The following CSMD1 variants were observed in gnomAD, a reference collection of about 807,000 sequenced individuals.
The protein encoded by CSMD1 is CUB and Sushi multiple domains 1, also known as CUB and sushi domain-containing protein 1.
CSMD1 carries 213 observed loss-of-function variants against 417.5 expected under a neutral mutation model. The observed-to-expected ratio is 0.51, with a 90% CI of 0.46 to 0.57. CSMD1 has a LOEUF of 0.57. CSMD1 is among the 20% of genes least tolerant of loss of function. The pLI is 0.00. For synonymous variants in CSMD1, 2,862 were observed against 1,736.8 expected (o/e 1.65, Z -16.11); for missense variants, 6,923 against 4,529.7 (o/e 1.53, Z -15.17).
chr8:3,952,705 C>T (rs568218240), intron 5 of CSMD1, among the ~76,000 whole-genome samples: 1 of 152,146 alleles, frequency 6.6e-6, no homozygotes, highest in Non-Finnish European at 1.5e-5. Flanking sequence ...TGTGAATACA[C>T]TAGATGTCAC....
At chr8:4,022,082 T>C (rs1336305860) in intron 4 of CSMD1, among the ~76,000 whole-genome samples, 2 of 122,226 alleles carry the variant, frequency 1.6e-5, no homozygotes, top group Non-Finnish European at 3.6e-5. Flanking sequence ...TGGGAGCATG[T>C]ATCCACACAC....
chr8:4,717,395 A>G (rs1808737149), intron 1 of CSMD1, among the ~76,000 whole-genome samples: 1 of 96,406 alleles, frequency 1.0e-5, no homozygotes, highest in Non-Finnish European at 2.0e-5. Flanking sequence ...ATATACATAC[A>G]TATATACATA....
chr8:4,124,411 T>G (rs1031919031), intron 3 of CSMD1, among the ~76,000 whole-genome samples: 2 of 200 alleles, frequency 0.01, no homozygotes, highest in Non-Finnish European at 0.033. Context: ...TGTATTTAAT[T>G]TTTTTCCCTT....
At chr8:3,992,295 C>G (rs1311330891) in intron 5 of CSMD1, among the ~76,000 whole-genome samples, 8 of 152,068 alleles carry the variant, frequency 5.3e-5, no homozygotes, top group African/African-American at 1.9e-4. Flanking sequence ...CTTTTGCCTA[C>G]CTGGAGTACG....
At chr8:4,243,657 G>A (rs925120169) in intron 3 of CSMD1, among the ~76,000 whole-genome samples, 1 of 151,980 alleles carries the variant, frequency 6.6e-6, no homozygotes, top group Non-Finnish European at 1.5e-5. Flanking sequence ...TAAAACACAT[G>A]TGTGATATTG....
At chr8:4,204,679 C>G (rs185167729) in intron 3 of CSMD1, among the ~76,000 whole-genome samples, 338 of 152,196 alleles carry the variant, frequency 2.2e-3, no homozygotes, top group Non-Finnish European at 3.9e-3. Context: ...TTTTGAGACA[C>G]AGTTTCACTC....
Position 4,464,162 on chromosome 8 carries a change from C to A in CSMD1, c.303-44097G>T, listed in dbSNP as rs570495443. On this transcript the variant is annotated intron_variant, in intron 2 of 69. Transcript: ENST00000635120. ...TATCCCTCCAGCTGGAATTCTACTTCCTCTCTACTTCACTTACAGGACTCT... is the reference window on the plus strand; with the variant it reads ...TATCCCTCCAGCTGGAATTCTACTTACTCTCTACTTCACTTACAGGACTCT... Among the ~76,000 whole-genome samples the A allele has an allele frequency of 2.0e-5, 3 of 152,248 alleles. No homozygotes were observed. In the South Asian group the frequency reaches 6.2e-4, roughly 32 times the overall value.
At chr8:3,723,524 T>C (rs1324496567) in intron 6 of CSMD1, among the ~76,000 whole-genome samples, 1 of 152,206 alleles carries the variant, frequency 6.6e-6, no homozygotes, top group Non-Finnish European at 1.5e-5. Flanking sequence ...CATTTAGTCA[T>C]ATTTACTTAA....
chr8:4,346,341 C>G (rs1800776835), intron 3 of CSMD1, among the ~76,000 whole-genome samples: 1 of 152,114 alleles, frequency 6.6e-6, no homozygotes, highest in Non-Finnish European at 1.5e-5. Flanking sequence ...GGAAAGCAGC[C>G]ATGCCCATCT....
At chr8:4,559,513 G>C (rs1181718549) in intron 2 of CSMD1, among the ~76,000 whole-genome samples, 1 of 152,164 alleles carries the variant, frequency 6.6e-6, no homozygotes, top group African/African-American at 2.4e-5. Context: ...TGAGAGACGA[G>C]GGTTCATATT....
chr8:4,491,742 G>A (rs956077037), intron 2 of CSMD1, among the ~76,000 whole-genome samples: 3 of 152,120 alleles, frequency 2.0e-5, no homozygotes, highest in Admixed American at 2.0e-4. Flanking sequence ...GAGGTTGTGG[G>A]GCAACAGGAA....
chr8:3,624,605 A>G (rs1796405656), intron 7 of CSMD1, among the ~76,000 whole-genome samples: 3 of 152,176 alleles, frequency 2.0e-5, no homozygotes, highest in African/African-American at 4.8e-5. Context: ...GTATGTTTTT[A>G]TCTGCATAAC....
chr8:4,361,192 T>G (rs1213553654), intron 3 of CSMD1, among the ~76,000 whole-genome samples: 1 of 152,138 alleles, frequency 6.6e-6, no homozygotes, highest in Non-Finnish European at 1.5e-5. Flanking sequence ...CTGTGAGGCT[T>G]AAATTAGACA....
At chr8:3,066,039 C>A (rs1330050250) in intron 49 of CSMD1, among the ~76,000 whole-genome samples, 4 of 152,268 alleles carry the variant, frequency 2.6e-5, no homozygotes, top group African/African-American at 9.6e-5. Flanking sequence ...GGCCAACTTT[C>A]CAACCATATT....
At chr8:3,271,425 T>G (rs927925979) in intron 26 of CSMD1, among the ~76,000 whole-genome samples, 12 of 151,660 alleles carry the variant, frequency 7.9e-5, no homozygotes, top group Non-Finnish European at 1.2e-4. Context: ...ATGATTTATA[T>G]TCCTTTGGGT....
intron 1 of CSMD1, among the ~76,000 whole-genome samples, chr8:4,777,021 A>G (rs373726991): frequency 1.6e-4 from 25 of 152,210 alleles, no homozygotes; most frequent in Admixed American, 1.2e-3. Flanking sequence ...ATTTCTATCT[A>G]GTAAAGTTCG....
intron 3 of CSMD1, among the ~76,000 whole-genome samples, chr8:4,337,080 G>C (rs939655455): frequency 1.3e-5 from 2 of 152,084 alleles, no homozygotes; most frequent in African/African-American, 2.4e-5. Context: ...CACTGTCCCA[G>C]AGGGTTGCCA....
chr8:3,469,582 T>C (rs78846428), intron 11 of CSMD1, among the ~76,000 whole-genome samples: 1 of 152,164 alleles, frequency 6.6e-6, no homozygotes, highest in East Asian at 1.9e-4. Context: ...CAGAAAAGCA[T>C]GTTGAAATAG....
chr8:3,002,045 A>G (rs747113155), intron 52 of CSMD1, among the ~76,000 whole-genome samples: 6 of 152,224 alleles, frequency 3.9e-5, no homozygotes, highest in Non-Finnish European at 4.4e-5. Context: ...CTCAACTCGT[A>G]GAAGAGATTA....
Sources: gnomAD v4.1 joint callset for allele counts (sites outside exome capture counted in the v4.1 genomes callset) on GRCh38, gnomAD v4.1.1 for gene constraint, MANE v1.5 for transcripts, NCBI Gene and HGNC (gene_info 2026-07-23, HGNC 2026-07-21) for gene names.